Variants in AGMO observed in about 807,000 individuals in gnomAD.
AGMO encodes alkylglycerol monooxygenase.
Under a neutral mutation model 60.2 loss-of-function variants are expected in AGMO, and 75 were observed. That is an observed-to-expected ratio of 1.25 (90% CI 1.03 to 1.51). The LOEUF is 1.51. Ranked by LOEUF, AGMO falls within the 40% of genes most tolerant of loss-of-function variation. AGMO has a pLI of 0.00. For synonymous variants in AGMO, 261 were observed against 177.1 expected, an observed-to-expected ratio of 1.47 and a Z score of -3.76; for missense variants, 763 against 525.5, an observed-to-expected ratio of 1.45 and a Z score of -4.42.
chr7:15,451,370 AAT>A (rs1194037046), intron 3 of AGMO, among the ~76,000 whole-genome samples: 1 of 152,214 alleles, frequency 6.6e-6, no homozygotes, highest in Non-Finnish European at 1.5e-5. Flanking sequence ...TACAGTAGTT[AAT>A]AGAGAGTGCC....
At chr7:15,270,442 T>C (rs1583347626) in intron 12 of AGMO, among the ~76,000 whole-genome samples, 2 of 151,990 alleles carry the variant, frequency 1.3e-5, no homozygotes, top group Admixed American at 1.3e-4. Flanking sequence ...TGTCTGTTCA[T>C]GTCCTTTGCC....
At chr7:15,461,033 AAG>A (rs1334656217) in intron 3 of AGMO, among the ~76,000 whole-genome samples, 4 of 152,138 alleles carry the variant, frequency 2.6e-5, no homozygotes, top group African/African-American at 9.7e-5. Flanking sequence ...GTTGTTGAAG[AAG>A]ACAGATGTAT....
intron 12 of AGMO, among the ~76,000 whole-genome samples, chr7:15,273,902 A>C (rs980682414): frequency 2.0e-5 from 3 of 152,088 alleles, no homozygotes; most frequent in Non-Finnish European, 2.9e-5. Context: ...TGGGAGTTCT[A>C]TCATGATTTG....
At chr7:15,358,409 A>C (rs1182819506) in intron 12 of AGMO, 2 of 471,200 alleles carry the variant, frequency 4.2e-6, no homozygotes, top group African/African-American at 4.0e-5. Context: ...AGGCATAATA[A>C]TTAGATTGCA....
At chr7:15,390,787 C>T in intron 7 of AGMO, 37 bp from the exon 8 acceptor site, 1 of 1,584,160 alleles carries the variant, frequency 6.3e-7, no homozygotes, top group Non-Finnish European at 8.7e-7. Flanking sequence ...ATTTGGCTTC[C>T]TGTAAAGTAA....
chr7:15,372,527 G>A (rs897447687), intron 10 of AGMO, among the ~76,000 whole-genome samples: 1 of 152,080 alleles, frequency 6.6e-6, no homozygotes, highest in African/African-American at 2.4e-5. Context: ...TGGGCACTAT[G>A]GTAAATATGA....
chr7:15,249,355 C>G (rs754592841), intron 12 of AGMO, among the ~76,000 whole-genome samples: 3 of 151,910 alleles, frequency 2.0e-5, no homozygotes, highest in Non-Finnish European at 4.4e-5. Flanking sequence ...AGAAGAGTAA[C>G]TATGGAAACA....
intron 12 of AGMO, among the ~76,000 whole-genome samples, chr7:15,217,779 T>C (rs551177418): frequency 1.9e-4 from 29 of 151,856 alleles, no homozygotes; most frequent in Admixed American, 1.5e-3. Context: ...AGAAGAATGG[T>C]GGAGAGGAAA....
the AGMO span, among the ~76,000 whole-genome samples, chr7:15,164,053 T>C: frequency 6.6e-6 from 1 of 152,036 alleles, no homozygotes; most frequent in Non-Finnish European, 1.5e-5. Flanking sequence ...AATAGACACA[T>C]AGATGAATAA....
rs537828946 is a variant in AGMO, at chr7:15,561,665, C to T, written c.126+55G>A. ...CAAAACCCTAAGGAGATTGACCTTA[C>T]CATTTATTAAGAAAGCAGCAAGAAT... is the stretch of plus-strand genomic sequence containing the variant. On this transcript the variant is annotated intron_variant, in intron 1 of 12. Coordinates refer to ENST00000342526, the MANE Select transcript of AGMO (RefSeq NM_001004320.2). 80 of 1,493,066 alleles carry T rather than the reference C, an allele frequency of 5.4e-5. No individual in the cohort carries two copies. In the Admixed American group the frequency reaches 1.3e-3, roughly 25 times the overall value. 92.5% of individuals were successfully genotyped at this position (1,493,066 alleles called of 1,614,324 possible). A position where few individuals can be genotyped will look rare whatever the true frequency, so the allele number is the denominator to read the frequency against.
intron 10 of AGMO, among the ~76,000 whole-genome samples, chr7:15,367,057 G>A (rs1246653452): frequency 2.0e-5 from 3 of 151,814 alleles, no homozygotes; most frequent in African/African-American, 7.2e-5. Flanking sequence ...TTTACATTCT[G>A]TATAAAAACT....
intron 3 of AGMO, among the ~76,000 whole-genome samples, chr7:15,442,161 G>A (rs996065821): frequency 6.6e-6 from 1 of 152,228 alleles, no homozygotes; most frequent in African/African-American, 2.4e-5. Context: ...CTTTGTGAAT[G>A]ATGTCATGCA....
At chr7:15,148,474 TC>T in the AGMO span, among the ~76,000 whole-genome samples, 15 of 152,228 alleles carry the variant, frequency 9.9e-5, 1 homozygote, top group African/African-American at 3.6e-4. Flanking sequence ...TTGACCCTCA[TC>T]CTCCTCCCAT....
At position 15,561,751 on chromosome 7, in the gene AGMO, G is replaced by A; in HGVS notation, c.95C>T (p.Thr32Ile). 1 of 1,611,636 alleles carries A rather than the reference G, an allele frequency of 6.2e-7. No individual in the cohort carries two copies. The highest frequency in any genetic ancestry group is 1.3e-5 in the African/African-American group (1 of 74,882). The part of the protein sequence containing the change: ...TMKPSETSFQ[T>I]LEEVPDYVKK... Reference sequence around the variant, plus strand: ...TACATAATCAGGCACCTCTTCTAATGTTTGGAATGAAGTTTCACTGGGTTT... The same window carrying A: ...TACATAATCAGGCACCTCTTCTAATATTTGGAATGAAGTTTCACTGGGTTT... Residue 32 changes from threonine to isoleucine, a missense_variant, in exon 1 of 13, where the codon ACA becomes ATA. Coordinates refer to ENST00000342526, the MANE Select transcript of AGMO (RefSeq NM_001004320.2).
In AGMO at chr7:15,249,125, T is replaced by C. The variant is rs73679456; in HGVS notation, c.1264-47766A>G. Reference sequence around the variant, plus strand: ...TACCAAGAAGGTAGAGTTGTTTTCATATTTTTTCAAGAAATAGTATTCATG... The same window carrying C: ...TACCAAGAAGGTAGAGTTGTTTTCACATTTTTTCAAGAAATAGTATTCATG... On this transcript the variant is annotated intron_variant, in intron 12 of 12. Transcript: ENST00000342526. Among the ~76,000 whole-genome samples, 401 of 152,312 alleles carry C rather than the reference T, an allele frequency of 2.6e-3. 3 individuals are homozygous for C. Among genetic ancestry groups the C allele is most frequent in the African/African-American group, 9.1e-3 (379 of 41,570 alleles).
intron 12 of AGMO, among the ~76,000 whole-genome samples, chr7:15,206,141 T>C (rs942205877): frequency 1.3e-5 from 2 of 152,048 alleles, no homozygotes; most frequent in South Asian, 2.1e-4. Flanking sequence ...CTATTTCCTA[T>C]GAGCGCAAGA....
intron 12 of AGMO, among the ~76,000 whole-genome samples, chr7:15,354,465 TGTGTATACACACGTGTGTATATACACAC>T (rs1782424895): frequency 3.6e-5 from 1 of 27,584 alleles, no homozygotes; most frequent in African/African-American, 1.8e-4. Context: ...TACACACGTG[TGTGTATACACACGTGTGTATATACACAC>T]GTGTATATAT....
intron 3 of AGMO, among the ~76,000 whole-genome samples, chr7:15,503,455 T>C (rs543107258): frequency 3.3e-5 from 5 of 152,156 alleles, no homozygotes; most frequent in African/African-American, 1.2e-4. Flanking sequence ...GGACATTAAT[T>C]CTAAGTCTAA....
intron 3 of AGMO, among the ~76,000 whole-genome samples, chr7:15,478,695 G>C (rs1463648916): frequency 6.6e-6 from 1 of 152,098 alleles, no homozygotes; most frequent in Non-Finnish European, 1.5e-5. Context: ...TGTCATCACT[G>C]GTCATGTTCC....
Sources: allele counts gnomAD v4.1 joint callset (sites outside exome capture counted in the v4.1 genomes callset), GRCh38; gene constraint gnomAD v4.1.1; transcripts MANE v1.5; gene names NCBI Gene and HGNC (gene_info 2026-07-23, HGNC 2026-07-21).